Variants in LDLRAD4 observed in about 807,000 individuals in gnomAD.
The protein encoded by LDLRAD4 is low-density lipoprotein receptor class A domain-containing protein 4.
LDLRAD4 carries 5 observed loss-of-function variants against 17.0 expected under a neutral mutation model. That is an observed-to-expected ratio of 0.29 (90% CI 0.15 to 0.62). LDLRAD4 has a LOEUF of 0.62. LDLRAD4 is among the 20% of genes least tolerant of loss of function. The pLI, the probability that LDLRAD4 is intolerant of heterozygous loss-of-function variation, is 0.84. For missense variants in LDLRAD4, 340 were observed against 424.7 expected, an observed-to-expected ratio of 0.80 and a Z score of 1.75; for synonymous variants, 168 against 171.8, an observed-to-expected ratio of 0.98 and a Z score of 0.17.
At chr18:13,337,284 G>C (rs1437680598) in intron 1 of LDLRAD4, among the ~76,000 whole-genome samples, 1 of 152,180 alleles carries the variant, frequency 6.6e-6, no homozygotes, top group Non-Finnish European at 1.5e-5. Flanking sequence ...TCACCTTCAA[G>C]CATGCTTTTG....
chr18:13,517,148 G>A (rs999538157), intron 3 of LDLRAD4, among the ~76,000 whole-genome samples: 5 of 152,198 alleles, frequency 3.3e-5, no homozygotes, highest in African/African-American at 1.2e-4. Flanking sequence ...ACTGCACCTG[G>A]CCTGGCATCT....
At chr18:13,471,693 T>G (rs1191315072) in intron 3 of LDLRAD4, 1 of 152,194 alleles carries the variant, frequency 6.6e-6, no homozygotes. Context: ...AGGTGCCGGG[T>G]GAAGAGGAGG....
At chr18:13,472,175 T>C (rs4796985) in intron 3 of LDLRAD4, 137,965 of 152,300 alleles carry the variant, frequency 0.91, 63,622 homozygotes, top group East Asian at 1. Context: ...GGCTTGGCCA[T>C]GGCCAGTCTG....
chr18:13,368,956 G>C (rs545704191), intron 1 of LDLRAD4, among the ~76,000 whole-genome samples: 5 of 152,302 alleles, frequency 3.3e-5, no homozygotes, highest in African/African-American at 1.2e-4. Context: ...CTCCCGCCTT[G>C]GTCTCCCAAA....
At chr18:13,635,230 G>A (rs1330641610) in intron 4 of LDLRAD4, among the ~76,000 whole-genome samples, 1 of 152,254 alleles carries the variant, frequency 6.6e-6, no homozygotes, top group South Asian at 2.1e-4. Flanking sequence ...GTGCCAGCAC[G>A]GTTGGGTTCG....
At chr18:13,254,177 C>T (rs62097312) in intron 1 of LDLRAD4, among the ~76,000 whole-genome samples, 42,741 of 152,126 alleles carry the variant, frequency 0.28, 6,800 homozygotes, top group Admixed American at 0.42. Flanking sequence ...GGCGGTGTCG[C>T]GCCGTGAAGG....
chr18:13,304,647 G>T (rs949549450), intron 1 of LDLRAD4, among the ~76,000 whole-genome samples: 1 of 152,238 alleles, frequency 6.6e-6, no homozygotes, highest in Non-Finnish European at 1.5e-5. Flanking sequence ...CCTTGTCATG[G>T]CAACATCAGC....
At chr18:13,508,620 A>G (rs2093730826) in intron 3 of LDLRAD4, among the ~76,000 whole-genome samples, 1 of 152,070 alleles carries the variant, frequency 6.6e-6, no homozygotes, top group African/African-American at 2.4e-5. Context: ...GAACAACAAA[A>G]CTGGATGACA....
At chr18:13,642,685 A>T in intron 4 of LDLRAD4, 1 of 1,231,490 alleles carries the variant, frequency 8.1e-7, no homozygotes, top group Non-Finnish European at 1.0e-6. Flanking sequence ...GGCTTCCTCA[A>T]CCCAGCCTGC....
At chr18:13,332,882 G>A (rs2081937621) in intron 1 of LDLRAD4, among the ~76,000 whole-genome samples, 1 of 152,122 alleles carries the variant, frequency 6.6e-6, no homozygotes, top group South Asian at 2.1e-4. Context: ...GTGTCCGTAA[G>A]TAGGTTTTTG....
rs60933056 is a variant in LDLRAD4, at chr18:13,345,056, A to G, written c.-382-42285A>G. Among the ~76,000 whole-genome samples, 5 of 152,278 alleles carry G rather than the reference A, an allele frequency of 3.3e-5. No individual in the cohort carries two copies. In the East Asian group the frequency reaches 9.6e-4, roughly 29 times the overall value. ...GGACAATTTGACTTCCTCTATTCCTAATTGAATACCCTTTATTTCTTTCTC... is the reference window on the plus strand; with the variant it reads ...GGACAATTTGACTTCCTCTATTCCTGATTGAATACCCTTTATTTCTTTCTC... On this transcript the variant is annotated intron_variant, in intron 1 of 5. Transcript: ENST00000359446.
In LDLRAD4 at chr18:13,645,750, T is replaced by A; in HGVS notation, c.*93T>A. 3.0e-6 allele frequency: 3 copies of A among 1,016,674 alleles called. No homozygotes were observed. Among genetic ancestry groups the A allele is most frequent in the Non-Finnish European group, 4.2e-6 (3 of 716,594 alleles). The allele number at this position is 1,016,674 out of a possible 1,614,324, so 63.0% of individuals were successfully genotyped here. ...GCGCACAGTGTTGTTCAGTTTCACA[T>A]GGTACAAATAAGTAAAACCAAATGA... is the stretch of plus-strand genomic sequence containing the variant. On this transcript the variant is annotated 3_prime_UTR_variant, in exon 6 of 6. Transcript: ENST00000359446. This position sits in a 1 kb window ranked among gnomAD's most constrained non-coding sequence, Gnocchi z 5.7.
intron 3 of LDLRAD4, among the ~76,000 whole-genome samples, chr18:13,575,101 T>TG (rs1345846587): frequency 6.6e-6 from 1 of 152,256 alleles, no homozygotes; most frequent in African/African-American, 2.4e-5. Context: ...TGTAGGTTTT[T>TG]GGGGAACAGA....
intron 1 of LDLRAD4, among the ~76,000 whole-genome samples, chr18:13,373,124 C>T (rs1160932776): frequency 6.6e-6 from 1 of 151,198 alleles, no homozygotes; most frequent in Non-Finnish European, 1.5e-5. Flanking sequence ...ACAGCTCACA[C>T]TCCTTTGGCA....
At chr18:13,413,504 G>A (rs1381009237) in intron 2 of LDLRAD4, among the ~76,000 whole-genome samples, 1 of 152,146 alleles carries the variant, frequency 6.6e-6, no homozygotes, top group Non-Finnish European at 1.5e-5. Flanking sequence ...GAGGCCTCAG[G>A]TCTCTGACCA....
intron 3 of LDLRAD4, among the ~76,000 whole-genome samples, chr18:13,569,201 G>A (rs2094649655): frequency 6.6e-6 from 1 of 152,126 alleles, no homozygotes; most frequent in African/African-American, 2.4e-5. Flanking sequence ...CCCACTCCTG[G>A]GGCCTTCCCC....
At chr18:13,332,422 G>A (rs2081912002) in intron 1 of LDLRAD4, among the ~76,000 whole-genome samples, 1 of 152,136 alleles carries the variant, frequency 6.6e-6, no homozygotes, top group Admixed American at 6.5e-5. Context: ...ATCACTGAAA[G>A]TTCATAGTTT....
chr18:13,354,607 A>G (rs2083232941), intron 1 of LDLRAD4, among the ~76,000 whole-genome samples: 1 of 152,204 alleles, frequency 6.6e-6, no homozygotes, highest in African/African-American at 2.4e-5. Context: ...CTTAGACACC[A>G]TCCTTCTTGA....
At chr18:13,234,153 C>T (rs534903398) in intron 1 of LDLRAD4, among the ~76,000 whole-genome samples, 2 of 152,226 alleles carry the variant, frequency 1.3e-5, no homozygotes, top group African/African-American at 2.4e-5. Context: ...CTGTCCTCCC[C>T]ACCCGCGATG....
Sources: gnomAD v4.1 joint callset for allele counts (sites outside exome capture counted in the v4.1 genomes callset) on GRCh38, gnomAD v4.1.1 for gene constraint, Gnocchi (gnomAD v3.1) non-coding constraint, MANE v1.5 for transcripts, NCBI Gene and HGNC (gene_info 2026-07-23, HGNC 2026-07-21) for gene names.